The following PIP4K2A variants were observed in gnomAD, a reference collection of about 807,000 sequenced individuals.
PIP4K2A encodes phosphatidylinositol 5-phosphate 4-kinase type-2 alpha.
A neutral mutation model predicts 42.9 loss-of-function variants in PIP4K2A; 14 were observed. The ratio of observed to expected loss-of-function variants is 0.33; its 90% CI spans 0.22 to 0.51. The LOEUF is 0.51. Among genes scored for constraint, PIP4K2A ranks in the 20% least tolerant of loss-of-function variants. The probability of loss-of-function intolerance (pLI) is 0.97; values close to 1 mark genes in which losing one functional copy is unlikely to be tolerated. For missense variants in PIP4K2A, 434 were observed against 519.8 expected (o/e 0.83, Z 1.61); for synonymous variants, 192 against 192.2 (o/e 1.00, Z 0.01).
At chr10:22,568,016 G>T in intron 5 of PIP4K2A, 127 bp from the exon 6 acceptor site, 3 of 821,606 alleles carry the variant, frequency 3.7e-6, no homozygotes, top group Non-Finnish European at 6.3e-6. Flanking sequence ...CGCAGCCCAT[G>T]CGGAATGGGC....
At chr10:22,689,277 G>A (rs367590530) in intron 1 of PIP4K2A, among the ~76,000 whole-genome samples, 1 of 151,716 alleles carries the variant, frequency 6.6e-6, no homozygotes, top group South Asian at 2.1e-4. Context: ...ATAAAGGCCT[G>A]TACATTGAAA....
At chr10:22,661,306 C>G (rs573294428) in intron 1 of PIP4K2A, among the ~76,000 whole-genome samples, 26 of 147,214 alleles carry the variant, frequency 1.8e-4, no homozygotes. Context: ...TTGATTCAGA[C>G]TTGTATATAC....
intron 1 of PIP4K2A, among the ~76,000 whole-genome samples, chr10:22,611,868 A>G (rs2130715734): frequency 6.6e-6 from 1 of 152,382 alleles, no homozygotes; most frequent in Middle Eastern, 3.4e-3. Context: ...GTGGAACAAG[A>G]GAAAGCGAAA....
In PIP4K2A at chr10:22,604,726, C is replaced by T. The variant is rs183415996; in HGVS notation, c.339+3201G>A. 5.2e-3 allele frequency among the ~76,000 whole-genome samples: 795 copies of T among 152,248 alleles called. 8 individuals are homozygous for T. The highest frequency in any genetic ancestry group is 0.018 in the African/African-American group (743 of 41,536). ...AGCCAGTACCCAGGAGTGACAGAGG[C>T]GGCCGGTGGGAGACTCTACTCAGCA... On this transcript the variant is annotated intron_variant, in intron 3 of 9. Coordinates refer to ENST00000376573, the MANE Select transcript of PIP4K2A (RefSeq NM_005028.5).
intron 4 of PIP4K2A, among the ~76,000 whole-genome samples, chr10:22,577,804 G>T (rs1435070222): frequency 6.6e-6 from 1 of 152,114 alleles, no homozygotes; most frequent in Non-Finnish European, 1.5e-5. Context: ...GTGCTTAAAT[G>T]TGCTGAAGTT....
chr10:22,603,705 T>C (rs1588657320), intron 3 of PIP4K2A, among the ~76,000 whole-genome samples: 1 of 152,316 alleles, frequency 6.6e-6, no homozygotes, highest in Non-Finnish European at 1.5e-5. Context: ...TGGATAATTA[T>C]GCATGAAATC....
intron 1 of PIP4K2A, among the ~76,000 whole-genome samples, chr10:22,671,411 C>T (rs931773165): frequency 8.5e-5 from 13 of 152,214 alleles, no homozygotes; most frequent in African/African-American, 3.1e-4. Context: ...TCTGGTCAGC[C>T]ACTGCTCCGA....
chr10:22,553,358 C>T (rs985502482), intron 6 of PIP4K2A, among the ~76,000 whole-genome samples: 4 of 152,202 alleles, frequency 2.6e-5, no homozygotes, highest in African/African-American at 7.2e-5. Context: ...ATCCTGGTTC[C>T]ACCCCTTGCT....
At chr10:22,686,346 CT>C (rs1839764406) in intron 1 of PIP4K2A, among the ~76,000 whole-genome samples, 1 of 152,194 alleles carries the variant, frequency 6.6e-6, no homozygotes, top group East Asian at 1.9e-4. Context: ...CTTTAAACCC[CT>C]GGATTCCTTT....
Position 22,550,543 on chromosome 10 carries a change from A to C in PIP4K2A, c.792+116T>G, listed in dbSNP as rs58255702. The C allele has an allele frequency of 7.4e-4, 534 of 719,394 alleles. 3 individuals are homozygous for C. In the African/African-American group the frequency reaches 8.5e-3, roughly 11 times the overall value. 44.6% of individuals were successfully genotyped at this position (719,394 alleles called of 1,614,324 possible). On this transcript the variant is annotated intron_variant, in intron 7 of 9. Transcript: ENST00000376573. ...TTCATGTCTGACTTCCCTAAGGTAG[A>C]GTATGCAGGTTTTTGCCTTGATTGA...
At chr10:22,683,934 C>T (rs1043257874) in intron 1 of PIP4K2A, among the ~76,000 whole-genome samples, 3 of 152,022 alleles carry the variant, frequency 2.0e-5, no homozygotes, top group African/African-American at 7.2e-5. Context: ...AATCGCCCAG[C>T]GCTTCCTTGC....
intron 1 of PIP4K2A, among the ~76,000 whole-genome samples, chr10:22,684,666 ATCCCTGG>A: frequency 6.6e-6 from 1 of 152,240 alleles, no homozygotes; most frequent in East Asian, 1.9e-4. Context: ...CATCAAAACA[ATCCCTGG>A]TCTATAGGAT....
intron 6 of PIP4K2A, among the ~76,000 whole-genome samples, chr10:22,560,414 A>G (rs1263495627): frequency 2.0e-5 from 3 of 152,232 alleles, no homozygotes; most frequent in Non-Finnish European, 4.4e-5. Context: ...ATTTGTTACA[A>G]TTTAAAGACC....
Position 22,645,170 on chromosome 10 carries a change from G to A in PIP4K2A, c.145-35453C>T, listed in dbSNP as rs11013077. ...GGTTGAAGCAACTCATTTTGAAAAC[G>A]CAATTTTTTTAAATGGGTGACGATG... On this transcript the variant is annotated intron_variant, in intron 1 of 9. Transcript: ENST00000376573. 5.3e-5 allele frequency among the ~76,000 whole-genome samples: 8 copies of A among 152,070 alleles called. No individual in the cohort carries two copies. In the East Asian group the frequency reaches 9.6e-4, roughly 18 times the overall value.
chr10:22,594,892 G>C (rs182214612), intron 3 of PIP4K2A, among the ~76,000 whole-genome samples: 2 of 152,102 alleles, frequency 1.3e-5, no homozygotes, highest in Admixed American at 1.3e-4. Context: ...TTAAAAATTC[G>C]AATCTTGATT....
rs191407198 is a variant in PIP4K2A at position 22,563,635 on chromosome 10, C to G, written c.678+4216G>C. 3.9e-5 allele frequency among the ~76,000 whole-genome samples: 6 copies of G among 152,238 alleles called. No homozygotes were observed. The East Asian group carries it at 1.2e-3, about 29-fold the overall frequency. On this transcript the variant is annotated intron_variant, in intron 6 of 9. Coordinates refer to ENST00000376573, the MANE Select transcript of PIP4K2A (RefSeq NM_005028.5). ...TTAAAGGAAAGGAGAGACATGAACTCACAAACATTTACAAGGCAGTGTGGC... is the reference window on the plus strand; with the variant it reads ...TTAAAGGAAAGGAGAGACATGAACTGACAAACATTTACAAGGCAGTGTGGC...
At position 22,590,351 on chromosome 10, in the gene PIP4K2A, C is replaced by T. The variant is rs369770624; in HGVS notation, c.492+1278G>A. Among the ~76,000 whole-genome samples, 23 of 152,236 alleles carry T rather than the reference C, an allele frequency of 1.5e-4. No homozygotes were observed. The East Asian group carries it at 2.7e-3, about 18-fold the overall frequency. ...GTTGCAACAGCAGACATGTTCATAC[C>T]ATATGACTACAATTTCTCCAAGTGA... On this transcript the variant is annotated intron_variant, in intron 4 of 9. Coordinates refer to ENST00000376573, the MANE Select transcript of PIP4K2A (RefSeq NM_005028.5).
At chr10:22,559,968 C>T (rs1836644513) in intron 6 of PIP4K2A, among the ~76,000 whole-genome samples, 1 of 152,172 alleles carries the variant, frequency 6.6e-6, no homozygotes, top group Admixed American at 6.5e-5. Flanking sequence ...AGTCCTTCAC[C>T]CAAATCTCCC....
intron 5 of PIP4K2A, among the ~76,000 whole-genome samples, chr10:22,571,673 T>C (rs374444062): frequency 3.9e-5 from 6 of 152,334 alleles, no homozygotes; most frequent in African/African-American, 1.4e-4. Flanking sequence ...TAACTAAGCT[T>C]TGAGAAATTA....
Sources: gnomAD v4.1 joint callset for allele counts (sites outside exome capture counted in the v4.1 genomes callset) on GRCh38, gnomAD v4.1.1 for gene constraint, MANE v1.5 for transcripts, NCBI Gene and HGNC (gene_info 2026-07-23, HGNC 2026-07-21) for gene names.